Variants in EGFL8 observed in about 807,000 individuals in gnomAD.
EGFL8 encodes EGF like domain multiple 8.
EGFL8 carries 32 observed loss-of-function variants against 39.4 expected under a neutral mutation model. The observed-to-expected ratio is 0.81, with a 90% CI of 0.61 to 1.09. The LOEUF is 1.09. Ranked by LOEUF, EGFL8 falls within the 50% of genes least tolerant of loss-of-function variation. The pLI, the probability that EGFL8 is intolerant of heterozygous loss-of-function variation, is 0.00. For missense variants in EGFL8, 385 were observed against 402.2 expected, an observed-to-expected ratio of 0.96 and a Z score of 0.37; for synonymous variants, 177 against 168.5, an observed-to-expected ratio of 1.05 and a Z score of -0.39.
chr6:32,167,284 C>T lies in EGFL8; in HGVS notation c.601+27C>T, dbSNP rs376449054. ...TGAGTGGGCAGGAGTACGGGCCACC[C>T]GAGGGACTCGGGACGGGCGTCCGGG... is the stretch of plus-strand genomic sequence containing the variant. On this transcript the variant is annotated intron_variant, in intron 6 of 8. Transcript: ENST00000333845. This position sits in a 1 kb window ranked among gnomAD's most constrained non-coding sequence, Gnocchi z 6.4. 29 of 1,430,704 alleles carry T rather than the reference C, an allele frequency of 2.0e-5. No homozygotes were observed. The Admixed American group carries it at 3.4e-4, about 17-fold the overall frequency. The allele number at this position is 1,430,704 out of a possible 1,614,324, so 88.6% of individuals were successfully genotyped here.
Position 32,166,790 on chromosome 6 carries a change from C to G in EGFL8, c.314C>G (p.Pro105Arg). Residue 105 changes from proline to arginine, a missense_variant, in exon 4 of 9, where the codon CCG (proline) becomes CGG (arginine). By Grantham distance (103) the Pro-to-Arg change is moderately radical. Coordinates refer to ENST00000333845, the MANE Select transcript of EGFL8 (RefSeq NM_030652.4). The surrounding 1 kb of genome is among the most constrained non-coding windows in gnomAD (Gnocchi z 7.3). The part of the protein sequence containing the change: ...VCCQGWKKRH[P>R]GALTCEAICA... ...TGCCAGGGCTGGAAGAAGCGGCACCCGGGGGCGCTCACCTGTGAAGGTGAG... is the reference window on the plus strand; with the variant it reads ...TGCCAGGGCTGGAAGAAGCGGCACCGGGGGGCGCTCACCTGTGAAGGTGAG... 6.4e-7 allele frequency: 1 copy of G among 1,569,998 alleles called. No homozygotes were observed. Among genetic ancestry groups the G allele is most frequent in the Non-Finnish European group, 8.6e-7 (1 of 1,156,864 alleles).
Position 32,167,009 on chromosome 6 carries a change from A to G in EGFL8, c.430+4A>G. ...GGAGGGAAGCACTGTCATGTGGGTG[A>G]GTCAGCTTGTCCTCCCCACCTACCC... On this transcript the variant is annotated splice_donor_region_variant and intron_variant, in intron 5 of 8. Transcript: ENST00000333845. The surrounding 1 kb of genome is among the most constrained non-coding windows in gnomAD (Gnocchi z 6.4). 6.2e-7 allele frequency: 1 copy of G among 1,612,964 alleles called. No individual in the cohort carries two copies. The highest frequency in any genetic ancestry group is 8.5e-7 in the Non-Finnish European group (1 of 1,179,954).
In EGFL8 at chr6:32,166,997, G is replaced by T; in HGVS notation, c.422G>T (p.Cys141Phe). ...ECAPGWGGKH[C>F]HVDVDECRTS... is the part of the protein sequence containing the mutation. Reference sequence around the variant, plus strand: ...GCCCCCGGCTGGGGAGGGAAGCACTGTCATGTGGGTGAGTCAGCTTGTCCT... The same window carrying T: ...GCCCCCGGCTGGGGAGGGAAGCACTTTCATGTGGGTGAGTCAGCTTGTCCT... Residue 141 changes from cysteine (C) to phenylalanine (F), a missense_variant, in exon 5 of 9, where the codon TGT becomes TTT. By Grantham distance (205) the Cys-to-Phe change is radical (BLOSUM62 -2). Coordinates refer to ENST00000333845, the MANE Select transcript of EGFL8 (RefSeq NM_030652.4). This position sits in a 1 kb window ranked among gnomAD's most constrained non-coding sequence, Gnocchi z 7.3. 1 of 1,613,066 alleles carries T rather than the reference G, an allele frequency of 6.2e-7. No homozygotes were observed. Among genetic ancestry groups the T allele is most frequent in the Non-Finnish European group, 8.5e-7 (1 of 1,180,008 alleles).
At position 32,168,157 on chromosome 6, in the gene EGFL8, C is replaced by G. The variant is rs1388648889; in HGVS notation, c.*201C>G. On this transcript the variant is annotated 3_prime_UTR_variant, in exon 9 of 9. Coordinates refer to ENST00000333845, the MANE Select transcript of EGFL8 (RefSeq NM_030652.4). The surrounding 1 kb of genome is among the most constrained non-coding windows in gnomAD (Gnocchi z 4.5). ...AGTCTTCTGGCTGGGGGCAGGTTGC[C>G]TGGGCAAGAACTGCTTCTTCAATTC... The G allele has an allele frequency of 9.1e-6, 5 of 548,600 alleles. No homozygotes were observed. The African/African-American group carries it at 9.5e-5, about 10-fold the overall frequency. The allele number at this position is 548,600 out of a possible 1,614,324, so 34.0% of individuals were successfully genotyped here.
chr6:32,167,217 C>T lies in EGFL8; in HGVS notation c.561C>T (p.Ser187=). The T allele has an allele frequency of 1.9e-6, 3 of 1,612,706 alleles. No homozygotes were observed. The highest frequency in any genetic ancestry group is 2.5e-6 in the Non-Finnish European group (3 of 1,179,884). ...ACGGGCGCACCTGCATGGAGGGGTC[C>T]CCAGAGCCCCCAACCAGTGCCAGCA... ...GVDGRTCMEG[S]PEPPTSASIL... Residue 187 remains serine (S), a synonymous_variant, in exon 6 of 9, where the codon TCC becomes TCT. Coordinates refer to ENST00000333845, the MANE Select transcript of EGFL8 (RefSeq NM_030652.4). This position sits in a 1 kb window ranked among gnomAD's most constrained non-coding sequence, Gnocchi z 6.4.
chr6:32,167,698 A>C lies in EGFL8; in HGVS notation c.835+42A>C, dbSNP rs769433357. On this transcript the variant is annotated intron_variant, in intron 8 of 8. Transcript: ENST00000333845. The surrounding 1 kb of genome is among the most constrained non-coding windows in gnomAD (Gnocchi z 6.4). Reference sequence around the variant, plus strand: ...CTCCCGCCTTGACTTCTATTCCCCAACTTTCCCCAAGACCCCTCTCCATTC... The same window carrying C: ...CTCCCGCCTTGACTTCTATTCCCCACCTTTCCCCAAGACCCCTCTCCATTC... 2.5e-5 allele frequency: 40 copies of C among 1,571,246 alleles called. No homozygotes were observed. The highest frequency in any genetic ancestry group is 3.4e-5 in the Non-Finnish European group (39 of 1,157,260).
In EGFL8 at chr6:32,167,246, T is replaced by C. The variant is rs746613851; in HGVS notation, c.590T>C (p.Leu197Pro). The change falls in exon 6 of 9, where the codon CTC becomes CCC. Residue 197 changes from leucine (L) to proline (P), a missense_variant. Leu to Pro is a moderately conservative substitution (Grantham distance 98). Coordinates refer to ENST00000333845, the MANE Select transcript of EGFL8 (RefSeq NM_030652.4). The surrounding 1 kb of genome is among the most constrained non-coding windows in gnomAD (Gnocchi z 6.4). The stretch of plus-strand genomic sequence containing the variant: ...GAGCCCCCAACCAGTGCCAGCATAC[T>C]CAGCGTGGCCGGTGAGTGGGCAGGA... ...SPEPPTSASI[L>P]SVAVREAEKD... 5 of 1,611,980 alleles carry C rather than the reference T, an allele frequency of 3.1e-6. No individual in the cohort carries two copies. Among genetic ancestry groups the C allele is most frequent in the Middle Eastern group, 3.3e-4 (2 of 6,078 alleles).
intron 1 of EGFL8, chr6:32,165,534 A>T (rs1053971594): frequency 1.3e-5 from 2 of 150,766 alleles, no homozygotes; most frequent in African/African-American, 4.9e-5. Context: ...AGCCAGGGTG[A>T]CAGCGAGACT....
Position 32,166,368 on chromosome 6 carries a change from G to A in EGFL8, c.101+102G>A. On this transcript the variant is annotated intron_variant, in intron 2 of 8. Coordinates refer to ENST00000333845, the MANE Select transcript of EGFL8 (RefSeq NM_030652.4). This position sits in a 1 kb window ranked among gnomAD's most constrained non-coding sequence, Gnocchi z 7.3. ...CAAAACATAACTGTAAGTTTAGAATGGGGGTGAGAGGCTGTCATCTGGAGG... is the reference window on the plus strand; with the variant it reads ...CAAAACATAACTGTAAGTTTAGAATAGGGGTGAGAGGCTGTCATCTGGAGG... 2 of 1,565,462 alleles carry A rather than the reference G, an allele frequency of 1.3e-6. No individual in the cohort carries two copies. The highest frequency in any genetic ancestry group is 1.7e-5 in the Admixed American group (1 of 58,812).
chr6:32,167,098 T>TGTAG lies in EGFL8; in HGVS notation c.444_447dup (p.Thr150Ter). On this transcript the variant is annotated frameshift_variant, in exon 6 of 9. Transcript: ENST00000333845. LOFTEE classifies it high-confidence loss of function. This position sits in a 1 kb window ranked among gnomAD's most constrained non-coding sequence, Gnocchi z 6.4. The stretch of plus-strand genomic sequence containing the variant: ...TTTTCGGTAACTAGACGTGGATGAA[T>TGTAG]GTAGGACCAGCATCACCCTCTGCTC... The TGTAG allele has an allele frequency of 6.2e-7, 1 of 1,613,056 alleles. No homozygotes were observed. The highest frequency in any genetic ancestry group is 8.5e-7 in the Non-Finnish European group (1 of 1,180,024).
Position 32,166,264 on chromosome 6 carries a change from G to T in EGFL8, c.99G>T (p.Glu33Asp), listed in dbSNP as rs763363575. ...GEGAKGGSLR[E>D]SQGVCSKQTL... ...GGGCCAAGGGTGGATCCCTCAGAGA[G>T]AGGTGACAACAGAGGGGGTAGGGCC... Residue 33 changes from glutamate (E) to aspartate (D), a missense_variant and splice_region_variant, in exon 2 of 9, where the codon GAG becomes GAT. Physicochemically the swap from Glu to Asp is conservative, Grantham distance 45 (BLOSUM62 2). Coordinates refer to ENST00000333845, the MANE Select transcript of EGFL8 (RefSeq NM_030652.4). The surrounding 1 kb of genome is among the most constrained non-coding windows in gnomAD (Gnocchi z 7.3). 2.0e-5 allele frequency: 33 copies of T among 1,613,914 alleles called. No individual in the cohort carries two copies. The highest frequency in any genetic ancestry group is 2.7e-5 in the Non-Finnish European group (32 of 1,180,012).
Position 32,167,970 on chromosome 6 carries a change from C to T in EGFL8, c.*14C>T. 2 of 1,614,006 alleles carry T rather than the reference C, an allele frequency of 1.2e-6. No individual in the cohort carries two copies. Among genetic ancestry groups the T allele is most frequent in the Non-Finnish European group, 1.7e-6 (2 of 1,179,840 alleles). The stretch of plus-strand genomic sequence containing the variant: ...AATCATCGATAAGAAGCCTCTACAG[C>T]ACCCCTGCCCCCTAATTTATACAGA... On this transcript the variant is annotated 3_prime_UTR_variant, in exon 9 of 9. Coordinates refer to ENST00000333845, the MANE Select transcript of EGFL8 (RefSeq NM_030652.4). This position sits in a 1 kb window ranked among gnomAD's most constrained non-coding sequence, Gnocchi z 6.4.
rs1784460542 is a variant in EGFL8, at chr6:32,166,140, T to A, written c.-26T>A. ...CATTAACCTTTTCTTGCCTGCAGCC[T>A]GTAGGGTCCAGCGTCAAAGCGAATC... On this transcript the variant is annotated splice_region_variant and 5_prime_UTR_variant, in exon 2 of 9. Transcript: ENST00000333845. The surrounding 1 kb of genome is among the most constrained non-coding windows in gnomAD (Gnocchi z 7.3). 1.2e-6 allele frequency: 2 copies of A among 1,612,960 alleles called. No individual in the cohort carries two copies.
In EGFL8 at chr6:32,167,706, C is replaced by T; in HGVS notation, c.835+50C>T. 8.3e-6 allele frequency: 13 copies of T among 1,569,414 alleles called. No individual in the cohort carries two copies. Among genetic ancestry groups the T allele is most frequent in the Non-Finnish European group, 1.1e-5 (13 of 1,155,862 alleles). On this transcript the variant is annotated intron_variant, in intron 8 of 8. Transcript: ENST00000333845. The surrounding 1 kb of genome is among the most constrained non-coding windows in gnomAD (Gnocchi z 6.4). The stretch of plus-strand genomic sequence containing the variant: ...TTGACTTCTATTCCCCAACTTTCCC[C>T]AAGACCCCTCTCCATTCAGGCATTC...
chr6:32,167,845 G>C lies in EGFL8; in HGVS notation c.836-65G>C. ...CCAACAGTTTCACTTATTGTTTGGT[G>C]AGAGTGGCAGTGTAGTCCACTCCAG... On this transcript the variant is annotated intron_variant, in intron 8 of 8. Coordinates refer to ENST00000333845, the MANE Select transcript of EGFL8 (RefSeq NM_030652.4). The surrounding 1 kb of genome is among the most constrained non-coding windows in gnomAD (Gnocchi z 6.4). 6.4e-7 allele frequency: 1 copy of C among 1,562,520 alleles called. No individual in the cohort carries two copies. The highest frequency in any genetic ancestry group is 1.1e-5 in the South Asian group (1 of 89,690).
chr6:32,167,172 T>C lies in EGFL8; in HGVS notation c.516T>C (p.His172=), dbSNP rs1479295613. The stretch of plus-strand genomic sequence containing the variant: ...GCAGCTTCACCTGCGGCTGCCCCCA[T>C]GACCTAGTGCTAGGCGTGGACGGGC... ...TAGSFTCGCP[H]DLVLGVDGRT... The change falls in exon 6 of 9, where the codon CAT becomes CAC. Residue 172 remains histidine (H), a synonymous_variant. Transcript: ENST00000333845. The surrounding 1 kb of genome is among the most constrained non-coding windows in gnomAD (Gnocchi z 6.4). 1.2e-6 allele frequency: 2 copies of C among 1,613,068 alleles called. No homozygotes were observed. Among genetic ancestry groups the C allele is most frequent in the Non-Finnish European group, 1.7e-6 (2 of 1,180,036 alleles).
rs1224981262 is a variant in EGFL8, at chr6:32,167,028, C to T, written c.430+23C>T. Reference sequence around the variant, plus strand: ...TGGGTGAGTCAGCTTGTCCTCCCCACCTACCCAGGTGCTTGCCCCCGCCCC... The same window carrying T: ...TGGGTGAGTCAGCTTGTCCTCCCCATCTACCCAGGTGCTTGCCCCCGCCCC... On this transcript the variant is annotated intron_variant, in intron 5 of 8. Transcript: ENST00000333845. The surrounding 1 kb of genome is among the most constrained non-coding windows in gnomAD (Gnocchi z 6.4). The T allele has an allele frequency of 1.2e-6, 2 of 1,612,962 alleles. No individual in the cohort carries two copies. Among genetic ancestry groups the T allele is most frequent in the South Asian group, 1.1e-5 (1 of 91,072 alleles).
rs375034303 is a variant in EGFL8, at chr6:32,167,065, C to T, written c.431-22C>T. 5 of 1,612,974 alleles carry T rather than the reference C, an allele frequency of 3.1e-6. No homozygotes were observed. Among genetic ancestry groups the T allele is most frequent in the Non-Finnish European group, 4.2e-6 (5 of 1,180,034 alleles). On this transcript the variant is annotated intron_variant, in intron 5 of 8. Transcript: ENST00000333845. The surrounding 1 kb of genome is among the most constrained non-coding windows in gnomAD (Gnocchi z 6.4). ...CTTGCCCCCGCCCCCTCTCTCAGCC[C>T]CTTCCTTTTTTCGGTAACTAGACGT... is the stretch of plus-strand genomic sequence containing the variant.
Position 32,165,811 on chromosome 6 carries a change from A to C in EGFL8, c.-28-327A>C, listed in dbSNP as rs775347336. ...CAAAAACAAAAACAAAAAAAAACCCAAAAAAAGACAGGAGGGTCATAAGGG... is the reference window on the plus strand; with the variant it reads ...CAAAAACAAAAACAAAAAAAAACCCCAAAAAAGACAGGAGGGTCATAAGGG... On this transcript the variant is annotated intron_variant, in intron 1 of 8. Transcript: ENST00000333845. The C allele has an allele frequency of 6.6e-4, 258 of 390,430 alleles. 2 individuals are homozygous for C. The highest frequency in any genetic ancestry group is 2.1e-4 in the Non-Finnish European group (45 of 217,564). 24.2% of individuals were successfully genotyped at this position (390,430 alleles called of 1,614,324 possible). A position where few individuals can be genotyped will look rare whatever the true frequency, so the allele number is the denominator to read the frequency against.
Sources: gnomAD v4.1 joint callset for allele counts on GRCh38, gnomAD v4.1.1 for gene constraint, Gnocchi (gnomAD v3.1) non-coding constraint, MANE v1.5 for transcripts, NCBI Gene and HGNC (gene_info 2026-07-23, HGNC 2026-07-21) for gene names.